NXPE2: variants seen among roughly 807,000 people sequenced by gnomAD.
NXPE2 encodes neurexophilin and PC-esterase domain family member 2.
NXPE2 carries 34 observed loss-of-function variants against 34.4 expected under a neutral mutation model. That is an observed-to-expected ratio of 0.99 (90% confidence interval 0.75 to 1.31). The LOEUF (loss-of-function observed/expected upper bound fraction) is 1.31. Among genes scored for constraint, NXPE2 ranks in the 40% most tolerant of loss-of-function variants. The pLI, the probability that NXPE2 is intolerant of heterozygous loss-of-function variation, is 0.00. For synonymous variants in NXPE2, 235 were observed against 231.3 expected, an observed-to-expected ratio of 1.02 and a Z score of -0.15; for missense variants, 649 against 672.5, an observed-to-expected ratio of 0.97 and a Z score of 0.39.
At chr11:114,549,022 T>C in the NXPE2 span, among the ~76,000 whole-genome samples, 1 of 151,902 alleles carries the variant, frequency 6.6e-6, no homozygotes, top group African/African-American at 2.4e-5. Context: ...TTTCACAATT[T>C]TAAGCAAATA....
the NXPE2 span, among the ~76,000 whole-genome samples, chr11:114,639,710 A>AATAT: frequency 7.5e-6 from 1 of 133,846 alleles, no homozygotes; most frequent in Non-Finnish European, 1.6e-5. Flanking sequence ...TATATTCTAT[A>AATAT]ATATATAATA....
chr11:114,520,202 C>T, the NXPE2 span, among the ~76,000 whole-genome samples: 2 of 152,158 alleles, frequency 1.3e-5, no homozygotes, highest in South Asian at 4.1e-4. Context: ...TACATTAGCT[C>T]TCTAGACATT....
the NXPE2 span, among the ~76,000 whole-genome samples, chr11:114,534,996 T>G: frequency 5.9e-3 from 902 of 152,040 alleles, 4 homozygotes; most frequent in Non-Finnish European, 9.9e-3. Flanking sequence ...CACCAAAGTT[T>G]AAATGAAGGA....
the NXPE2 span, among the ~76,000 whole-genome samples, chr11:114,467,059 C>A: frequency 6.6e-6 from 1 of 152,174 alleles, no homozygotes; most frequent in South Asian, 2.1e-4. Flanking sequence ...GTATGTCAAG[C>A]ATTTATAACC....
the NXPE2 span, among the ~76,000 whole-genome samples, chr11:114,719,733 C>A: frequency 1.2e-4 from 18 of 152,364 alleles, no homozygotes; most frequent in South Asian, 3.5e-3. Context: ...GCATGCGGCT[C>A]CTCTGAAGCA....
chr11:114,570,357 C>T, the NXPE2 span, among the ~76,000 whole-genome samples: 29 of 152,118 alleles, frequency 1.9e-4, no homozygotes, highest in Non-Finnish European at 3.5e-4. Flanking sequence ...TCTAGTGGCC[C>T]GTGCTTTTAC....
At chr11:114,658,831 T>C in the NXPE2 span, among the ~76,000 whole-genome samples, 1 of 152,082 alleles carries the variant, frequency 6.6e-6, no homozygotes, top group African/African-American at 2.4e-5. Flanking sequence ...CTACCTAGGA[T>C]TGAGGCTGAT....
chr11:114,680,162 T>A (rs1450988356), intron 2 of NXPE2, among the ~76,000 whole-genome samples: 1 of 152,136 alleles, frequency 6.6e-6, no homozygotes, highest in African/African-American at 2.4e-5. Context: ...TCCTGGCTCT[T>A]CCCTTTGTAA....
At chr11:114,778,220 A>G in the NXPE2 span, among the ~76,000 whole-genome samples, 16 of 152,322 alleles carry the variant, frequency 1.1e-4, no homozygotes, top group African/African-American at 3.4e-4. Context: ...CAGGTCTAGA[A>G]GAGTGTCCCA....
At chr11:114,790,397 T>C in the NXPE2 span, among the ~76,000 whole-genome samples, 1 of 152,200 alleles carries the variant, frequency 6.6e-6, no homozygotes, top group Non-Finnish European at 1.5e-5. Context: ...ATCATTTACT[T>C]AGCACTCTAA....
chr11:114,742,028 C>T, the NXPE2 span, among the ~76,000 whole-genome samples: 1 of 151,948 alleles, frequency 6.6e-6, no homozygotes, highest in Non-Finnish European at 1.5e-5. Flanking sequence ...GTGGACATGC[C>T]CACTTCATAC....
chr11:114,678,035 A>G (rs993101135), upstream of NXPE2, among the ~76,000 whole-genome samples: 2 of 152,112 alleles, frequency 1.3e-5, no homozygotes, highest in African/African-American at 2.4e-5. Context: ...AATTTAAATC[A>G]TCGCTGTGGG....
At chr11:114,518,900 G>A in the NXPE2 span, among the ~76,000 whole-genome samples, 3 of 137,664 alleles carry the variant, frequency 2.2e-5, no homozygotes, top group Non-Finnish European at 3.0e-5. Context: ...CTATAAAGAA[G>A]TATTCCCTAG....
chr11:114,645,869 G>T, the NXPE2 span, among the ~76,000 whole-genome samples: 10 of 152,224 alleles, frequency 6.6e-5, no homozygotes, highest in South Asian at 2.1e-3. Context: ...ATTATAATTT[G>T]TTGATAAGTA....
chr11:114,582,773 G>A, the NXPE2 span: 1 of 1,614,148 alleles, frequency 6.2e-7, no homozygotes, highest in East Asian at 2.2e-5. Flanking sequence ...TGTGCAGCTG[G>A]TCTCCCCTGC....
the NXPE2 span, among the ~76,000 whole-genome samples, chr11:114,636,677 G>C: frequency 2.0e-5 from 3 of 151,982 alleles, no homozygotes; most frequent in African/African-American, 7.3e-5. Context: ...TGTTCTCATT[G>C]ATTTCAAAGA....
At chr11:114,510,679 G>C in the NXPE2 span, among the ~76,000 whole-genome samples, 2 of 152,142 alleles carry the variant, frequency 1.3e-5, no homozygotes, top group Non-Finnish European at 2.9e-5. Context: ...ATGAATAAAG[G>C]ATTCTGGGAA....
chr11:114,777,676 T>TC, the NXPE2 span, among the ~76,000 whole-genome samples: 1 of 152,142 alleles, frequency 6.6e-6, no homozygotes, highest in Non-Finnish European at 1.5e-5. Flanking sequence ...CTTCCTTCCT[T>TC]CTTCAACAAC....
the NXPE2 span, among the ~76,000 whole-genome samples, chr11:114,614,229 G>A: frequency 7.4e-4 from 112 of 151,854 alleles, 1 homozygote; most frequent in African/African-American, 2.6e-3. Context: ...GTGTTGCCTC[G>A]TGGGTAACCA....
Sources: gnomAD v4.1 joint callset for allele counts (sites outside exome capture counted in the v4.1 genomes callset) on GRCh38, gnomAD v4.1.1 for gene constraint, MANE v1.5 for transcripts, NCBI Gene and HGNC (gene_info 2026-07-23, HGNC 2026-07-21) for gene names.